Variants in DOCK9 observed in about 807,000 individuals in gnomAD.
DOCK9 encodes the protein dedicator of cytokinesis protein 9.
A neutral mutation model predicts 263.3 loss-of-function variants in DOCK9; 89 were observed. That is an observed-to-expected ratio of 0.34 (90% CI 0.28 to 0.40). DOCK9 has a LOEUF of 0.40. Among genes scored for constraint, DOCK9 ranks in the 10% least tolerant of loss-of-function variants. DOCK9 has a pLI of 1.00. For synonymous variants in DOCK9, 976 were observed against 973.1 expected (o/e 1.00, Z -0.06); for missense variants, 2,140 against 2,603.4 (o/e 0.82, Z 3.87).
Position 98,922,074 on chromosome 13 carries a change from T to G in DOCK9, c.559A>C (p.Ser187Arg). The change falls in exon 6 of 53, where the codon AGT becomes CGT. Residue 187 changes from serine (S) to arginine (R), a missense_variant. Transcript: ENST00000682017. ...ACCCTCATGGTCACGCTGATGGCAC[T>G]GTTCATGTTGCCTTTGTACAGCCAG... ...HGWLYKGNMN[S>R]AISVTMRSFK... is the part of the protein sequence containing the mutation. 1 of 1,600,346 alleles carries G rather than the reference T, an allele frequency of 6.2e-7. No homozygotes were observed. The highest frequency in any genetic ancestry group is 8.5e-7 in the Non-Finnish European group (1 of 1,174,020).
At chr13:98,910,896 TCTGTA>T (rs75350703) in intron 9 of DOCK9, among the ~76,000 whole-genome samples, 25,936 of 151,984 alleles carry the variant, frequency 0.17, 3,078 homozygotes, top group East Asian at 0.43. Flanking sequence ...AGTCTCTGAT[TCTGTA>T]ACCATGGAAT....
chr13:98,957,691 A>C (rs1167137180), intron 1 of DOCK9, among the ~76,000 whole-genome samples: 1 of 152,214 alleles, frequency 6.6e-6, no homozygotes, highest in East Asian at 1.9e-4. Context: ...GTAACCAGTC[A>C]ATAAATGCTT....
intron 1 of DOCK9, among the ~76,000 whole-genome samples, chr13:99,046,756 T>C (rs939276942): frequency 6.6e-6 from 1 of 152,234 alleles, no homozygotes; most frequent in African/African-American, 2.4e-5. Context: ...TCTGCCTAGA[T>C]CTATCACTTA....
At chr13:98,824,376 C>A (rs1254960183) in intron 45 of DOCK9, 22 bp downstream of exon 45, 1 of 1,609,574 alleles carries the variant, frequency 6.2e-7, no homozygotes, top group East Asian at 2.2e-5. Flanking sequence ...ACCTGAAAGC[C>A]CACATGAGTT....
intron 1 of DOCK9, among the ~76,000 whole-genome samples, chr13:98,997,952 A>C (rs1372510135): frequency 6.6e-6 from 1 of 152,198 alleles, no homozygotes; most frequent in Non-Finnish European, 1.5e-5. Context: ...TCATCTCTGT[A>C]AAAGCCCTGA....
chr13:98,800,547 A>G (rs2089999774), intron 49 of DOCK9, 69 bp from the exon 50 acceptor site: 1 of 1,511,546 alleles, frequency 6.6e-7, no homozygotes. Context: ...GCTGATTATT[A>G]TTAGAAGTGA....
chr13:98,913,081 A>G (rs2050312955), intron 9 of DOCK9, among the ~76,000 whole-genome samples: 1 of 152,242 alleles, frequency 6.6e-6, no homozygotes, highest in Non-Finnish European at 1.5e-5. Flanking sequence ...ATACTGTGGT[A>G]GCAGTCAAGT....
At chr13:98,999,316 A>ACACACACACACACACACACACACACTCT in intron 1 of DOCK9, among the ~76,000 whole-genome samples, 16 of 138,360 alleles carry the variant, frequency 1.2e-4, no homozygotes, top group Middle Eastern at 3.9e-3. Context: ...ACACACACAC[A>ACACACACACACACACACACACACACTCT]CTCTCTCTCT....
chr13:98,958,957 T>C (rs1404542620), intron 1 of DOCK9, among the ~76,000 whole-genome samples: 1 of 152,188 alleles, frequency 6.6e-6, no homozygotes, highest in African/African-American at 2.4e-5. Context: ...CCAAGGTGTA[T>C]CTTGGAGGTA....
chr13:98,997,506 T>G (rs1427655555), intron 1 of DOCK9, among the ~76,000 whole-genome samples: 1 of 152,200 alleles, frequency 6.6e-6, no homozygotes, highest in Non-Finnish European at 1.5e-5. Flanking sequence ...ACCACTAGAT[T>G]CCTATTTGCC....
intron 5 of DOCK9, among the ~76,000 whole-genome samples, chr13:98,922,994 T>C (rs2052316806): frequency 6.6e-6 from 1 of 152,188 alleles, no homozygotes; most frequent in Non-Finnish European, 1.5e-5. Context: ...AAAAACAACC[T>C]AAATTCAAGG....
At chr13:98,979,529 G>C (rs1461872700), upstream of DOCK9, among the ~76,000 whole-genome samples, 2 of 151,936 alleles carry the variant, frequency 1.3e-5, no homozygotes, top group East Asian at 3.9e-4. Flanking sequence ...TCTGCCACTT[G>C]AACACCAGGA....
intron 20 of DOCK9, chr13:98,885,373 G>A (rs2045524222): frequency 7.6e-6 from 4 of 525,824 alleles, no homozygotes; most frequent in Non-Finnish European, 6.9e-6. Context: ...GGAGGCAGAG[G>A]TGGGCAGACT....
chr13:98,959,153 A>G (rs914080644), intron 1 of DOCK9, among the ~76,000 whole-genome samples: 2 of 152,232 alleles, frequency 1.3e-5, no homozygotes, highest in African/African-American at 4.8e-5. Flanking sequence ...GGGACAGGAC[A>G]CAGTCTTCTG....
At chr13:98,957,559 GAA>G (rs58199053) in intron 1 of DOCK9, among the ~76,000 whole-genome samples, 35,382 of 145,680 alleles carry the variant, frequency 0.24, 4,399 homozygotes, top group East Asian at 0.44. Flanking sequence ...TTCAAAAAAG[GAA>G]AAAAAAAAAA....
intron 1 of DOCK9, among the ~76,000 whole-genome samples, chr13:99,084,608 G>A (rs966972396): frequency 6.6e-6 from 1 of 152,296 alleles, no homozygotes; most frequent in East Asian, 1.9e-4. Context: ...AGATATTCGG[G>A]GACTACTGCA....
intron 1 of DOCK9, among the ~76,000 whole-genome samples, chr13:99,010,722 T>G (rs149385355): frequency 7.2e-5 from 11 of 152,308 alleles, no homozygotes; most frequent in African/African-American, 2.6e-4. Flanking sequence ...GAAGTACATC[T>G]CCTAATGTAG....
At chr13:98,798,647 A>G (rs2089737121) in intron 50 of DOCK9, among the ~76,000 whole-genome samples, 1 of 152,244 alleles carries the variant, frequency 6.6e-6, no homozygotes. Flanking sequence ...GAGTGCAATG[A>G]CAAGAAGCTC....
At chr13:98,964,372 T>C (rs944714460) in intron 1 of DOCK9, among the ~76,000 whole-genome samples, 1 of 152,090 alleles carries the variant, frequency 6.6e-6, no homozygotes, top group East Asian at 1.9e-4. Context: ...ACCCCAATTA[T>C]GTGGGGTGCT....
Sources: allele counts gnomAD v4.1 joint callset (sites outside exome capture counted in the v4.1 genomes callset), GRCh38; gene constraint gnomAD v4.1.1; transcripts MANE v1.5; gene names NCBI Gene and HGNC (gene_info 2026-07-23, HGNC 2026-07-21).